CNTN5: variants seen among roughly 807,000 people sequenced by gnomAD.
CNTN5 encodes the protein contactin-5.
CNTN5 carries 77 observed loss-of-function variants against 129.1 expected under a neutral mutation model. The observed-to-expected ratio is 0.60, with a 90% confidence interval of 0.50 to 0.72. CNTN5 has a LOEUF of 0.72. Ranked by LOEUF, CNTN5 falls within the 30% of genes least tolerant of loss-of-function variation. CNTN5 has a pLI of 0.00. For missense variants in CNTN5, 1,478 were observed against 1,328.8 expected (o/e 1.11, Z -1.75); for synonymous variants, 509 against 465.6 (o/e 1.09, Z -1.20).
At chr11:99,193,790 T>A (rs189046409) in intron 1 of CNTN5, among the ~76,000 whole-genome samples, 10 of 152,318 alleles carry the variant, frequency 6.6e-5, no homozygotes, top group African/African-American at 2.2e-4. Context: ...CATTAGAATC[T>A]ATGGCATCAA....
chr11:99,260,051 A>G (rs148390481), intron 1 of CNTN5, among the ~76,000 whole-genome samples: 1 of 151,706 alleles, frequency 6.6e-6, no homozygotes, highest in African/African-American at 2.4e-5. Flanking sequence ...TATTGTCCCT[A>G]TATATTGTTT....
chr11:99,725,209 A>G (rs1199886227), intron 3 of CNTN5, among the ~76,000 whole-genome samples: 1 of 152,132 alleles, frequency 6.6e-6, no homozygotes, highest in African/African-American at 2.4e-5. Context: ...CTTACATGAG[A>G]TGCACTGGGA....
At chr11:99,403,734 C>A (rs1941939319) in intron 2 of CNTN5, among the ~76,000 whole-genome samples, 1 of 152,052 alleles carries the variant, frequency 6.6e-6, no homozygotes, top group Admixed American at 6.6e-5. Flanking sequence ...AATATTATTT[C>A]AATTTTTTGA....
chr11:99,829,687 G>A (rs908846826), intron 4 of CNTN5, among the ~76,000 whole-genome samples: 1 of 152,172 alleles, frequency 6.6e-6, no homozygotes, highest in African/African-American at 2.4e-5. Context: ...GAGGTATAAT[G>A]TGGTTTAAAA....
At chr11:99,762,881 T>C (rs1300016431) in intron 3 of CNTN5, among the ~76,000 whole-genome samples, 2 of 152,202 alleles carry the variant, frequency 1.3e-5, no homozygotes, top group African/African-American at 4.8e-5. Flanking sequence ...TTAAGATTCT[T>C]ATGAATTCTT....
At chr11:99,786,428 C>G (rs1029786081) in intron 3 of CNTN5, among the ~76,000 whole-genome samples, 1 of 152,132 alleles carries the variant, frequency 6.6e-6, no homozygotes, top group Non-Finnish European at 1.5e-5. Context: ...GCCACACCCC[C>G]CAAAGTAATT....
chr11:99,785,953 G>C (rs192970698), intron 3 of CNTN5, among the ~76,000 whole-genome samples: 19 of 152,136 alleles, frequency 1.2e-4, no homozygotes, highest in African/African-American at 3.9e-4. Context: ...ACAAGACAAG[G>C]ATGCTGTCTC....
intron 3 of CNTN5, among the ~76,000 whole-genome samples, chr11:99,763,672 T>G (rs1944660523): frequency 6.6e-6 from 1 of 152,044 alleles, no homozygotes; most frequent in Non-Finnish European, 1.5e-5. Flanking sequence ...TACATTCGAT[T>G]TAAGCATATT....
chr11:100,334,600 TA>T (rs35974068), intron 21 of CNTN5, among the ~76,000 whole-genome samples: 4 of 151,864 alleles, frequency 2.6e-5, no homozygotes, highest in African/African-American at 7.3e-5. Context: ...TCAGCCATAT[TA>T]AAAAAAAGAA....
chr11:99,448,669 A>G (rs995917689), intron 2 of CNTN5, among the ~76,000 whole-genome samples: 9 of 152,082 alleles, frequency 5.9e-5, no homozygotes, highest in African/African-American at 1.9e-4. Context: ...CTCTTGTTGT[A>G]TTATAGATGT....
At chr11:99,552,870 C>A (rs1362366504) in intron 2 of CNTN5, among the ~76,000 whole-genome samples, 1 of 152,074 alleles carries the variant, frequency 6.6e-6, no homozygotes, top group Non-Finnish European at 1.5e-5. Flanking sequence ...ACTATTAACA[C>A]CTTGCATTTT....
At chr11:99,099,113 G>C (rs563961101) in intron 1 of CNTN5, among the ~76,000 whole-genome samples, 1 of 152,190 alleles carries the variant, frequency 6.6e-6, no homozygotes, top group Admixed American at 6.6e-5. Flanking sequence ...AATTGTGGAT[G>C]TCAATTACAT....
At chr11:99,789,835 C>T (rs1201857758) in intron 3 of CNTN5, among the ~76,000 whole-genome samples, 3 of 151,892 alleles carry the variant, frequency 2.0e-5, no homozygotes, top group Non-Finnish European at 1.5e-5. Context: ...GGTTATATTG[C>T]GTGATGCTGA....
At chr11:99,207,837 A>T (rs566549314) in intron 1 of CNTN5, among the ~76,000 whole-genome samples, 8 of 152,322 alleles carry the variant, frequency 5.3e-5, no homozygotes, top group African/African-American at 1.7e-4. Context: ...CAGAAAGTAT[A>T]TATAAAATGA....
intron 6 of CNTN5, among the ~76,000 whole-genome samples, chr11:99,884,485 GA>G (rs1356116467): frequency 6.6e-6 from 1 of 152,136 alleles, no homozygotes; most frequent in African/African-American, 2.4e-5. Context: ...AGACATTGTT[GA>G]AGCAGAAGAG....
At chr11:99,176,598 G>A (rs983238869) in intron 1 of CNTN5, among the ~76,000 whole-genome samples, 5 of 152,120 alleles carry the variant, frequency 3.3e-5, no homozygotes, top group Admixed American at 1.3e-4. Context: ...AAAAGCCTTG[G>A]AGTCATTATT....
At chr11:100,060,731 C>T (rs1943435544) in intron 9 of CNTN5, among the ~76,000 whole-genome samples, 1 of 149,466 alleles carries the variant, frequency 6.7e-6, no homozygotes, top group Admixed American at 6.7e-5. Flanking sequence ...CCTCCGCTTT[C>T]CGGTTTCAAG....
intron 15 of CNTN5, among the ~76,000 whole-genome samples, chr11:100,215,118 T>C (rs1949110706): frequency 6.6e-6 from 1 of 152,214 alleles, no homozygotes; most frequent in Non-Finnish European, 1.5e-5. Flanking sequence ...TGGAAATGTC[T>C]GGCCTTCTCT....
intron 1 of CNTN5, among the ~76,000 whole-genome samples, chr11:99,304,702 A>G (rs1285972932): frequency 3.9e-5 from 6 of 152,174 alleles, no homozygotes; most frequent in Middle Eastern, 3.2e-3. Context: ...GTGCTTTTAG[A>G]TGGTAAATTC....
Sources: allele counts gnomAD v4.1 joint callset (sites outside exome capture counted in the v4.1 genomes callset), GRCh38; gene constraint gnomAD v4.1.1; transcripts MANE v1.5; gene names NCBI Gene and HGNC (gene_info 2026-07-23, HGNC 2026-07-21).